Variants in NBR1 observed in about 807,000 individuals in gnomAD.
The protein encoded by NBR1 is NBR1 autophagy cargo receptor.
In NBR1, 59 loss-of-function variants were observed where a neutral mutation model predicts 115.5. The ratio of observed to expected loss-of-function variants is 0.51; its 90% CI spans 0.41 to 0.63. The LOEUF is 0.63. Ranked by LOEUF, NBR1 falls within the 30% of genes least tolerant of loss-of-function variation. NBR1 has a pLI of 0.00. For missense variants in NBR1, 1,043 were observed against 1,150.5 expected (o/e 0.91, Z 1.35); for synonymous variants, 373 against 414.7 (o/e 0.90, Z 1.22).
chr17:43,209,520 A>G (rs1394177521), intron 20 of NBR1: 2 of 1,466,376 alleles, frequency 1.4e-6, no homozygotes, highest in African/African-American at 1.4e-5. Flanking sequence ...TCTTGCTCAT[A>G]CTTCCCCCAT....
intron 8 of NBR1, 180 bp downstream of exon 8, chr17:43,189,982 A>G: frequency 1.6e-6 from 1 of 616,934 alleles, no homozygotes; most frequent in Non-Finnish European, 2.8e-6. Context: ...GTAACTATTC[A>G]GATTGTTGTG....
chr17:43,196,220 G>A (rs1030492609), intron 14 of NBR1: 7 of 318,722 alleles, frequency 2.2e-5, no homozygotes, highest in African/African-American at 1.3e-4. Flanking sequence ...GTGTCCTTTT[G>A]TTCCTTTATG....
At chr17:43,179,492 C>T in intron 4 of NBR1, 80 bp downstream of exon 4, 1 of 1,307,458 alleles carries the variant, frequency 7.6e-7, no homozygotes, top group East Asian at 2.3e-5. Flanking sequence ...TATACTCAAA[C>T]CTTATTGCAG....
chr17:43,206,228 T>C (rs1339449095), intron 20 of NBR1, among the ~76,000 whole-genome samples: 1 of 151,004 alleles, frequency 6.6e-6, no homozygotes, highest in Non-Finnish European at 1.5e-5. Flanking sequence ...GGCAGGATGC[T>C]GTGTTATGAG....
Position 43,188,129 on chromosome 17 carries a change from G to T in NBR1, c.403-913G>T, listed in dbSNP as rs573581930. On this transcript the variant is annotated intron_variant, in intron 6 of 20. Transcript: ENST00000590996. ...ATGGTCTTGATCTCCTGACCTCGTG[G>T]TCCACCCGCCTCAGCCTCCCAAAGT... is the stretch of plus-strand genomic sequence containing the variant. 6.0e-5 allele frequency among the ~76,000 whole-genome samples: 9 copies of T among 149,472 alleles called. No individual in the cohort carries two copies. In the South Asian group the frequency reaches 1.9e-3, roughly 32 times the overall value.
At chr17:43,203,441 G>A (rs957680634) in intron 19 of NBR1, among the ~76,000 whole-genome samples, 2 of 152,156 alleles carry the variant, frequency 1.3e-5, no homozygotes, top group African/African-American at 4.8e-5. Flanking sequence ...GAGCCATCAT[G>A]GTTACCAGAG....
At chr17:43,204,445 G>A (rs1044738974) in intron 20 of NBR1, among the ~76,000 whole-genome samples, 1 of 151,810 alleles carries the variant, frequency 6.6e-6, no homozygotes, top group Non-Finnish European at 1.5e-5. Flanking sequence ...CAAGGTGGGA[G>A]GATTGCTTGA....
chr17:43,190,330 C>A, intron 8 of NBR1: 1 of 419,484 alleles, frequency 2.4e-6, no homozygotes, highest in South Asian at 2.1e-5. Context: ...CCATGGCCTC[C>A]CAAAGTGCTG....
chr17:43,181,486 GTGGTGAAA>G (rs2056662064), intron 5 of NBR1, among the ~76,000 whole-genome samples: 1 of 149,456 alleles, frequency 6.7e-6, no homozygotes, highest in Non-Finnish European at 1.5e-5. Flanking sequence ...CCTGGCTAAC[GTGGTGAAA>G]CCCTGTCTCT....
At chr17:43,196,288 G>A (rs2057066076) in intron 14 of NBR1, among the ~76,000 whole-genome samples, 193 bp from the exon 15 acceptor site, 1 of 152,116 alleles carries the variant, frequency 6.6e-6, no homozygotes, top group Non-Finnish European at 1.5e-5. Context: ...GATTCTTCCT[G>A]CATTGATTGA....
chr17:43,209,639 T>C (rs1192659227), intron 20 of NBR1: 2 of 1,535,602 alleles, frequency 1.3e-6, no homozygotes, highest in Middle Eastern at 1.7e-4. Flanking sequence ...TTCTCCTGGT[T>C]CTAAGTACAG....
intron 2 of NBR1, 71 bp from the exon 3 acceptor site, chr17:43,177,865 T>G: frequency 7.9e-7 from 1 of 1,265,278 alleles, no homozygotes; most frequent in Non-Finnish European, 1.0e-6. Flanking sequence ...GTCTTTTGAT[T>G]TTGTGGGTTT....
At chr17:43,172,394 T>C (rs1236418372) in intron 1 of NBR1, among the ~76,000 whole-genome samples, 1 of 152,224 alleles carries the variant, frequency 6.6e-6, no homozygotes, top group African/African-American at 2.4e-5. Context: ...TATCTAAATT[T>C]CCAATTGTGT....
Position 43,211,579 on chromosome 17 carries a change from G to T in NBR1, c.*1505G>T. ...ATGGGTGGGACCTGTCTTGACCATC[G>T]GAGTTTTATAATCGAGGGCCAGGAG... is the stretch of plus-strand genomic sequence containing the variant. On this transcript the variant is annotated 3_prime_UTR_variant, in exon 21 of 21. Coordinates refer to ENST00000590996, the MANE Select transcript of NBR1 (RefSeq NM_005899.5). 1 of 152,494 alleles carries T rather than the reference G, an allele frequency of 6.6e-6. No individual in the cohort carries two copies. The allele number at this position is 152,494 out of a possible 1,614,324, so 9.4% of individuals were successfully genotyped here.
chr17:43,175,542 T>A (rs1431392241), intron 1 of NBR1, among the ~76,000 whole-genome samples: 3 of 152,236 alleles, frequency 2.0e-5, no homozygotes, highest in African/African-American at 7.2e-5. Context: ...CAAGAATAAT[T>A]TTTGTGACTT....
chr17:43,180,122 A>G (rs1369250633), intron 4 of NBR1, among the ~76,000 whole-genome samples: 1 of 152,224 alleles, frequency 6.6e-6, no homozygotes, highest in East Asian at 1.9e-4. Context: ...TTTATTGTAT[A>G]TATTGAAGGT....
intron 6 of NBR1, among the ~76,000 whole-genome samples, chr17:43,187,886 CTTTTTTT>C (rs66857389): frequency 5.1e-5 from 3 of 58,866 alleles, no homozygotes; most frequent in African/African-American, 1.6e-4. Flanking sequence ...TTGCATTTCT[CTTTTTTT>C]TTTTTTTTTT....
intron 6 of NBR1, among the ~76,000 whole-genome samples, chr17:43,187,581 T>C (rs1215231578): frequency 1.4e-5 from 2 of 142,154 alleles, no homozygotes; most frequent in African/African-American, 5.2e-5. Context: ...TGATCTTGGC[T>C]CACTGCAACC....
At chr17:43,178,635 C>G (rs1369428027) in intron 3 of NBR1, among the ~76,000 whole-genome samples, 1 of 152,020 alleles carries the variant, frequency 6.6e-6, no homozygotes, top group Non-Finnish European at 1.5e-5. Flanking sequence ...CCTCGGACTC[C>G]CAAAGTGCTG....
Sources: gnomAD v4.1 joint callset for allele counts (sites outside exome capture counted in the v4.1 genomes callset) on GRCh38, gnomAD v4.1.1 for gene constraint, MANE v1.5 for transcripts, NCBI Gene and HGNC (gene_info 2026-07-23, HGNC 2026-07-21) for gene names.